Variants in ERG observed in about 807,000 individuals in gnomAD.
The protein encoded by ERG is ETS transcription factor ERG, also known as transcriptional regulator ERG.
A neutral mutation model predicts 55.3 loss-of-function variants in ERG; 9 were observed. The ratio of observed to expected loss-of-function variants is 0.16; its 90% CI spans 0.10 to 0.28. The LOEUF is 0.28. Ranked by LOEUF, ERG falls within the 10% of genes least tolerant of loss-of-function variation. The pLI, the probability that ERG is intolerant of heterozygous loss-of-function variation, is 1.00. For synonymous variants in ERG, 223 were observed against 237.3 expected, an observed-to-expected ratio of 0.94 and a Z score of 0.55; for missense variants, 434 against 631.6, an observed-to-expected ratio of 0.69 and a Z score of 3.35.
intron 1 of ERG, among the ~76,000 whole-genome samples, chr21:38,474,539 A>G (rs529711136): frequency 1.7e-4 from 26 of 152,126 alleles, no homozygotes; most frequent in African/African-American, 5.5e-4. Context: ...CTTCTCCTCA[A>G]CTCTTTGCCC....
At chr21:38,576,139 C>A (rs2059993114) in intron 1 of ERG, among the ~76,000 whole-genome samples, 1 of 150,320 alleles carries the variant, frequency 6.7e-6, no homozygotes, top group Admixed American at 6.7e-5. Context: ...CTTTGAAATC[C>A]CACCAAAACT....
intron 2 of ERG, among the ~76,000 whole-genome samples, chr21:38,509,193 G>C (rs890415433): frequency 6.6e-6 from 1 of 152,164 alleles, no homozygotes; most frequent in Non-Finnish European, 1.5e-5. Context: ...GTCCTGCAGT[G>C]AGTTGTTATA....
At chr21:38,524,738 T>C (rs1171841908) in intron 2 of ERG, among the ~76,000 whole-genome samples, 1 of 152,088 alleles carries the variant, frequency 6.6e-6, no homozygotes, top group Non-Finnish European at 1.5e-5. Context: ...GGTTAACTGT[T>C]TAAAAAAAGA....
At chr21:38,594,680 T>G (rs889357857) in intron 1 of ERG, among the ~76,000 whole-genome samples, 1 of 152,144 alleles carries the variant, frequency 6.6e-6, no homozygotes, top group Non-Finnish European at 1.5e-5. Context: ...CAGCCTTGAA[T>G]AGCAGAACCC....
intron 2 of ERG, among the ~76,000 whole-genome samples, chr21:38,563,595 G>A (rs1264303076): frequency 6.6e-6 from 1 of 152,182 alleles, no homozygotes; most frequent in East Asian, 1.9e-4. Flanking sequence ...AGTGAATACC[G>A]ACATGTTCAA....
At chr21:38,451,444 C>T (rs904773653) in intron 1 of ERG, among the ~76,000 whole-genome samples, 1 of 152,202 alleles carries the variant, frequency 6.6e-6, no homozygotes, top group African/African-American at 2.4e-5. Flanking sequence ...GGATGCCTGC[C>T]TTCTCTTAAT....
In ERG at chr21:38,600,079, G is replaced by C. The variant is rs867686706; in HGVS notation, c.-149-15134C>G. 5.3e-4 allele frequency among the ~76,000 whole-genome samples: 81 copies of C among 152,242 alleles called. 1 individual carries two copies. Among genetic ancestry groups the C allele is most frequent in the African/African-American group, 1.9e-3 (77 of 41,462 alleles). Reference sequence around the variant, plus strand: ...TCTATAAGGCACGAGGTTGGTGACAGGGCCAGGAAGTTTACAAGAGCGAGC... The same window carrying C: ...TCTATAAGGCACGAGGTTGGTGACACGGCCAGGAAGTTTACAAGAGCGAGC... On this transcript the variant is annotated intron_variant, in intron 1 of 10. Transcript: ENST00000398910.
intron 1 of ERG, among the ~76,000 whole-genome samples, chr21:38,641,659 C>T (rs945440366): frequency 1.3e-5 from 2 of 152,088 alleles, no homozygotes; most frequent in African/African-American, 4.8e-5. Context: ...TAAACCTCTT[C>T]CAAATGCACA....
At chr21:38,626,031 C>T (rs1479067227) in intron 1 of ERG, among the ~76,000 whole-genome samples, 1 of 148,672 alleles carries the variant, frequency 6.7e-6, no homozygotes, top group Non-Finnish European at 1.5e-5. Context: ...AAGCGATTCT[C>T]CTGCCTCAAA....
upstream of ERG, among the ~76,000 whole-genome samples, chr21:38,589,452 C>G (rs1328058541): frequency 6.6e-6 from 1 of 152,210 alleles, no homozygotes. Flanking sequence ...TGCCTGCCCC[C>G]ACATGACCCA....
rs1432105101 is a variant in ERG at position 38,479,557 on chromosome 21, AAAG to A, written c.18+18803_18+18805del. ...GGCTGAGCAGGACACACAGAAACAT[AAAG>A]AAGAAGGTCGTGGGATGACAAAAGC... On this transcript the variant is annotated intron_variant, in intron 1 of 9. Transcript: ENST00000288319. 2.0e-5 allele frequency among the ~76,000 whole-genome samples: 3 copies of A among 152,304 alleles called. 1 individual carries two copies. In the East Asian group the frequency reaches 5.8e-4, roughly 29 times the overall value.
At chr21:38,603,480 G>A (rs921546113) in intron 1 of ERG, among the ~76,000 whole-genome samples, 13 of 152,070 alleles carry the variant, frequency 8.5e-5, no homozygotes, top group South Asian at 4.2e-4. Flanking sequence ...TTAGCTAGGC[G>A]TGGTGGTGCG....
chr21:38,373,406 G>A, the ERG span, among the ~76,000 whole-genome samples: 1 of 152,204 alleles, frequency 6.6e-6, no homozygotes, highest in Non-Finnish European at 1.5e-5. Flanking sequence ...GAGATGCTGA[G>A]ACGTAAGATC....
chr21:38,381,938 T>C lies in ERG; in HGVS notation c.*1465A>G. The C allele has an allele frequency of 2.8e-6, 3 of 1,063,000 alleles. No individual in the cohort carries two copies. The highest frequency in any genetic ancestry group is 3.4e-6 in the Non-Finnish European group (3 of 877,816). The allele number at this position is 1,063,000 out of a possible 1,614,324, so 65.8% of individuals were successfully genotyped here. On this transcript the variant is annotated 3_prime_UTR_variant, in exon 10 of 10. Coordinates refer to ENST00000288319, the MANE Select transcript of ERG (RefSeq NM_182918.4). ...TGCACAAGTTCCTGGACAAAGTAAA[T>C]TATAACACAAAATCCACAACATTCA...
At chr21:38,527,245 G>A (rs1456846259) in intron 2 of ERG, among the ~76,000 whole-genome samples, 1 of 152,184 alleles carries the variant, frequency 6.6e-6, no homozygotes, top group Non-Finnish European at 1.5e-5. Context: ...GCAAGAATGT[G>A]TTCTAGTCCT....
At chr21:38,425,349 C>T (rs866915723) in intron 2 of ERG, among the ~76,000 whole-genome samples, 1 of 151,798 alleles carries the variant, frequency 6.6e-6, no homozygotes, top group Admixed American at 6.6e-5. Flanking sequence ...GGCGCCATTG[C>T]ACTCCAGCCT....
intron 1 of ERG, chr21:38,449,179 A>G (rs1201587599): frequency 2.0e-5 from 3 of 152,268 alleles, no homozygotes; most frequent in African/African-American, 7.2e-5. Flanking sequence ...GATATGTGGC[A>G]TAATCATTTC....
intron 1 of ERG, among the ~76,000 whole-genome samples, chr21:38,604,546 G>A (rs1312035123): frequency 6.6e-6 from 1 of 152,184 alleles, no homozygotes; most frequent in Non-Finnish European, 1.5e-5. Context: ...TCATGTGAAT[G>A]TTATTATAAC....
intron 2 of ERG, among the ~76,000 whole-genome samples, chr21:38,508,768 T>C (rs1229245127): frequency 2.6e-5 from 4 of 152,180 alleles, no homozygotes; most frequent in African/African-American, 9.7e-5. Context: ...GACATTGACT[T>C]TGCTTCCATC....
Sources: allele counts gnomAD v4.1 joint callset (sites outside exome capture counted in the v4.1 genomes callset), GRCh38; gene constraint gnomAD v4.1.1; transcripts MANE v1.5; gene names NCBI Gene and HGNC (gene_info 2026-07-23, HGNC 2026-07-21).